The following BPTF variants were observed in gnomAD, a reference collection of about 807,000 sequenced individuals.
BPTF encodes bromodomain PHD finger transcription factor.
In BPTF, 18 loss-of-function variants were observed where a neutral mutation model predicts 292.5. That is an observed-to-expected ratio of 0.06 (90% CI 0.04 to 0.09). BPTF has a LOEUF of 0.09. Ranked by LOEUF, BPTF falls within the 10% of genes least tolerant of loss-of-function variation. BPTF has a pLI of 1.00. For synonymous variants in BPTF, 1,225 were observed against 1,251.9 expected (o/e 0.98, Z 0.45); for missense variants, 2,726 against 3,498.7 (o/e 0.78, Z 5.57).
intron 1 of BPTF, among the ~76,000 whole-genome samples, chr17:67,834,456 A>G (rs1427200217): frequency 6.6e-6 from 1 of 152,036 alleles, no homozygotes; most frequent in African/African-American, 2.4e-5. Flanking sequence ...TGTTACTAAG[A>G]TCTGTCTGAC....
intron 11 of BPTF, among the ~76,000 whole-genome samples, chr17:67,914,740 T>A (rs1409392756): frequency 6.6e-6 from 1 of 152,186 alleles, no homozygotes; most frequent in Non-Finnish European, 1.5e-5. Flanking sequence ...CCCAATCAAG[T>A]GTTGCTCGGG....
At position 67,826,271 on chromosome 17, in the gene BPTF, G is replaced by C. The variant is rs768383666; in HGVS notation, c.547G>C (p.Asp183His). 1 of 1,613,442 alleles carries C rather than the reference G, an allele frequency of 6.2e-7. No homozygotes were observed. Among genetic ancestry groups the C allele is most frequent in the Admixed American group, 1.7e-5 (1 of 60,010 alleles). ...SDYPEEMEDDDDDASYCTESS... is the reference protein window; with the variant it reads ...SDYPEEMEDDHDDASYCTESS... ...TTATCCGGAGGAGATGGAAGACGAC[G>C]ACGACGACGCCAGTTACTGCACGGA... Residue 183 changes from aspartate to histidine, a missense_variant, in exon 1 of 28, where the codon GAC (aspartate) becomes CAC (histidine). Physicochemically the swap from Asp to His is moderately conservative, Grantham distance 81. Coordinates refer to ENST00000306378, the MANE Select transcript of BPTF (RefSeq NM_182641.4).
chr17:67,846,539 G>A (rs1214618762), intron 1 of BPTF, among the ~76,000 whole-genome samples: 1 of 152,180 alleles, frequency 6.6e-6, no homozygotes, highest in Non-Finnish European at 1.5e-5. Flanking sequence ...TTATAACATT[G>A]TCACTTCACT....
chr17:67,910,677 A>G (rs764326248), intron 10 of BPTF, among the ~76,000 whole-genome samples, 200 bp from the exon 11 acceptor site: 8 of 152,168 alleles, frequency 5.3e-5, no homozygotes, highest in South Asian at 4.1e-4. Context: ...GCACATGCCT[A>G]TAATCCCAGC....
At chr17:67,898,946 C>G (rs1598506089) in intron 7 of BPTF, among the ~76,000 whole-genome samples, 1 of 147,252 alleles carries the variant, frequency 6.8e-6, no homozygotes, top group Admixed American at 6.8e-5. Context: ...AAAAAAATTT[C>G]TAAAAGTACC....
At chr17:67,926,815 G>C (rs1017598607) in intron 15 of BPTF, among the ~76,000 whole-genome samples, 1 of 151,770 alleles carries the variant, frequency 6.6e-6, no homozygotes, top group African/African-American at 2.4e-5. Context: ...ATAGCTCATT[G>C]CAACTTTGAA....
rs1174608553 is a variant in BPTF, at chr17:67,940,327, A to C, written c.6260-112A>C. On this transcript the variant is annotated intron_variant, in intron 18 of 27. Coordinates refer to ENST00000306378, the MANE Select transcript of BPTF (RefSeq NM_182641.4). ...TGTATCCTTAGGCTCTGAATATCCC[A>C]GTGTTTTTTTGAAGATGGAAAAGAA... 18 of 966,162 alleles carry C rather than the reference A, an allele frequency of 1.9e-5. No homozygotes were observed. In the Admixed American group the frequency reaches 4.0e-4, roughly 21 times the overall value. The allele number at this position is 966,162 out of a possible 1,614,324, so 59.8% of individuals were successfully genotyped here.
At chr17:67,877,172 G>A (rs1253985933) in intron 4 of BPTF, among the ~76,000 whole-genome samples, 2 of 152,178 alleles carry the variant, frequency 1.3e-5, no homozygotes, top group African/African-American at 2.4e-5. Context: ...ATATACTAAC[G>A]GAGATGTATC....
At chr17:67,894,267 A>G (rs1458792313) in intron 7 of BPTF, 102 bp downstream of exon 7, 2 of 1,241,368 alleles carry the variant, frequency 1.6e-6, no homozygotes, top group African/African-American at 1.5e-5. Context: ...GCCATATTGA[A>G]GACTTTACTT....
Position 67,894,111 on chromosome 17 carries a change from C to T in BPTF, c.2489C>T (p.Ala830Val), listed in dbSNP as rs1350915375. ...FALALAILEC[A>V]VKPVVMLPIW... ...TTGGCTTTAGCCATTTTGGAGTGTG[C>T]AGTTAAACCAGTTGTGATGCTACCA... is the stretch of plus-strand genomic sequence containing the variant. Residue 830 changes from alanine (A) to valine (V), a missense_variant, in exon 7 of 28, where the codon GCA becomes GTA. Around this residue, in one of 22 missense-constraint regions of BPTF, gnomAD observed 99 missense variants for 227.1 expected, o/e 0.44. Transcript: ENST00000306378. 1.2e-6 allele frequency: 2 copies of T among 1,613,842 alleles called. No homozygotes were observed. Among genetic ancestry groups the T allele is most frequent in the Non-Finnish European group, 8.5e-7 (1 of 1,179,860 alleles).
At chr17:67,928,708 GCAGCCAGTTGAGCAAA>G in intron 16 of BPTF, 107 bp downstream of exon 16, 1 of 1,351,070 alleles carries the variant, frequency 7.4e-7, no homozygotes, top group Non-Finnish European at 9.9e-7. Flanking sequence ...TTTTTCTTTT[GCAGCCAGTTGAGCAAA>G]CAAGCTGTAA....
In BPTF at chr17:67,825,889, G is replaced by A. The variant is rs2143428786; in HGVS notation, c.165G>A (p.Gln55=). ...GCCGGGGCAGGTGGGCCGCCGCCCA[G>A]GCTGAGGTGGCGCCCAAGACGCGGC... ...GSSRGRWAAA[Q]AEVAPKTRLS... The change falls in exon 1 of 28, where the codon CAG becomes CAA. Residue 55 remains glutamine, a synonymous_variant. Coordinates refer to ENST00000306378, the MANE Select transcript of BPTF (RefSeq NM_182641.4). 9.8e-7 allele frequency: 1 copy of A among 1,015,672 alleles called. No homozygotes were observed. The highest frequency in any genetic ancestry group is 4.5e-5 in the South Asian group (1 of 22,452). The allele number at this position is 1,015,672 out of a possible 1,614,324, so 62.9% of individuals were successfully genotyped here. A position where few individuals can be genotyped will look rare whatever the true frequency, so the allele number is the denominator to read the frequency against.
intron 1 of BPTF, among the ~76,000 whole-genome samples, chr17:67,832,183 C>G (rs551668474): frequency 1.3e-5 from 2 of 151,828 alleles, no homozygotes; most frequent in Non-Finnish European, 2.9e-5. Flanking sequence ...CTGCCGTACC[C>G]GGCCTCTAAT....
intron 4 of BPTF, chr17:67,886,190 A>T (rs774536616): frequency 7.4e-6 from 12 of 1,613,960 alleles, no homozygotes. Context: ...CATCCAGCCT[A>T]ATCTGGAAAA....
chr17:67,911,547 C>T lies in BPTF; in HGVS notation c.3663C>T (p.Ala1221=), dbSNP rs9909489. Residue 1221 remains alanine (A), a synonymous_variant, in exon 11 of 28, where the codon GCC becomes GCT. Transcript: ENST00000306378. ...TTTTCATCGATGACTCTAAACTAGC[C>T]AGTGCAGATGATATTGGTACTTTGA... is the stretch of plus-strand genomic sequence containing the variant. The part of the protein sequence containing the change: ...NDFFIDDSKL[A]SADDIGTLIC... The T allele has an allele frequency of 7.4e-6, 12 of 1,613,872 alleles. No individual in the cohort carries two copies. In the African/African-American group the frequency reaches 1.6e-4, roughly 22 times the overall value.
chr17:67,976,312 A>G (rs2069410326), intron 27 of BPTF, among the ~76,000 whole-genome samples: 1 of 152,214 alleles, frequency 6.6e-6, no homozygotes, highest in South Asian at 2.1e-4. Context: ...GTCTCTACCA[A>G]AAATACAAAA....
At chr17:67,900,099 C>T (rs1229945451) in intron 7 of BPTF, among the ~76,000 whole-genome samples, 2 of 151,860 alleles carry the variant, frequency 1.3e-5, no homozygotes, top group Non-Finnish European at 2.9e-5. Flanking sequence ...TGTGTGTGTG[C>T]GCATGTGTGT....
chr17:67,913,360 G>A (rs1444230157), intron 11 of BPTF, among the ~76,000 whole-genome samples, 173 bp downstream of exon 11: 2 of 120,648 alleles, frequency 1.7e-5, no homozygotes, highest in Non-Finnish European at 3.6e-5. Context: ...GCCAACTAAT[G>A]TACTAAAGTT....
chr17:67,853,748 G>A (rs890961924), intron 1 of BPTF, among the ~76,000 whole-genome samples, 192 bp from the exon 2 acceptor site: 21 of 151,684 alleles, frequency 1.4e-4, no homozygotes, highest in African/African-American at 4.8e-4. Context: ...TAATCTAATG[G>A]GAAAACTTTG....
Sources: allele counts gnomAD v4.1 joint callset (sites outside exome capture counted in the v4.1 genomes callset), GRCh38; gene constraint gnomAD v4.1.1; regional missense constraint gnomAD v4.1.1; transcripts MANE v1.5; gene names NCBI Gene and HGNC (gene_info 2026-07-23, HGNC 2026-07-21).